DOK6: variants seen among roughly 807,000 people sequenced by gnomAD.
DOK6 encodes docking protein 6.
Under a neutral mutation model 44.0 loss-of-function variants are expected in DOK6, and 22 were observed. The ratio of observed to expected loss-of-function variants is 0.50; its 90% CI spans 0.36 to 0.71. The LOEUF is 0.71. DOK6 is among the 30% of genes least tolerant of loss of function. DOK6 has a pLI of 0.00. For synonymous variants in DOK6, 166 were observed against 145.5 expected, an observed-to-expected ratio of 1.14 and a Z score of -1.01; for missense variants, 340 against 416.4, an observed-to-expected ratio of 0.82 and a Z score of 1.60.
rs184252280 is a variant in DOK6 at position 69,605,826 on chromosome 18, C to G, written c.289+6328C>G. ...ATGCTTTCTCCATAGACTGGGAAGA[C>G]GGAAAGCTTTCCTGCTCTCCTCTGT... On this transcript the variant is annotated intron_variant, in intron 3 of 7. Coordinates refer to ENST00000382713, the MANE Select transcript of DOK6 (RefSeq NM_152721.6). Among the ~76,000 whole-genome samples, 200 of 152,198 alleles carry G rather than the reference C, an allele frequency of 1.3e-3. 2 individuals carry two copies. The highest frequency in any genetic ancestry group is 4.4e-3 in the African/African-American group (181 of 41,528).
At chr18:69,576,425 T>G (rs931926813) in intron 2 of DOK6, among the ~76,000 whole-genome samples, 17 of 151,920 alleles carry the variant, frequency 1.1e-4, no homozygotes, top group Admixed American at 1.0e-3. Context: ...ATTAAAATAA[T>G]CAAATGAATG....
chr18:69,519,156 T>C (rs1981619731), intron 1 of DOK6, among the ~76,000 whole-genome samples: 1 of 152,058 alleles, frequency 6.6e-6, no homozygotes, highest in Non-Finnish European at 1.5e-5. Context: ...TGCACAGATT[T>C]TGTATTGAGC....
intron 5 of DOK6, among the ~76,000 whole-genome samples, chr18:69,720,104 G>A (rs572709325): frequency 3.7e-4 from 56 of 152,178 alleles, no homozygotes; most frequent in Middle Eastern, 3.4e-3. Flanking sequence ...CATGAGAATC[G>A]CTTGAACCTG....
At chr18:69,619,016 A>G (rs918241720) in intron 3 of DOK6, among the ~76,000 whole-genome samples, 1 of 152,220 alleles carries the variant, frequency 6.6e-6, no homozygotes, top group East Asian at 1.9e-4. Context: ...CCTAAGTAAA[A>G]TATAACAAAC....
At chr18:69,593,903 G>T (rs527441017) in intron 2 of DOK6, among the ~76,000 whole-genome samples, 7 of 152,142 alleles carry the variant, frequency 4.6e-5, no homozygotes, top group African/African-American at 1.7e-4. Context: ...AAATTCTTAA[G>T]CCACACATAA....
At chr18:69,773,048 A>G (rs908356013) in intron 7 of DOK6, among the ~76,000 whole-genome samples, 13 of 152,050 alleles carry the variant, frequency 8.5e-5, no homozygotes, top group African/African-American at 3.1e-4. Context: ...TTGAACAAAC[A>G]TTTCTCCAAA....
intron 7 of DOK6, among the ~76,000 whole-genome samples, chr18:69,787,221 A>C (rs553118611): frequency 1.1e-4 from 16 of 152,336 alleles, no homozygotes; most frequent in Non-Finnish European, 2.2e-4. Flanking sequence ...GTCTCAAAAA[A>C]CAAGACAAAA....
intron 2 of DOK6, among the ~76,000 whole-genome samples, chr18:69,580,558 CATA>C (rs1371057539): frequency 6.6e-6 from 1 of 152,050 alleles, no homozygotes; most frequent in African/African-American, 2.4e-5. Context: ...TCAATTGACA[CATA>C]ATAATTGTAC....
At chr18:69,595,858 A>C (rs376473523) in intron 2 of DOK6, among the ~76,000 whole-genome samples, 9 of 152,132 alleles carry the variant, frequency 5.9e-5, no homozygotes, top group Admixed American at 5.9e-4. Context: ...CCTCATATAT[A>C]CTATTCATTC....
intron 7 of DOK6, among the ~76,000 whole-genome samples, chr18:69,804,099 A>G (rs941246844): frequency 1.3e-5 from 2 of 152,162 alleles, no homozygotes; most frequent in Non-Finnish European, 2.9e-5. Flanking sequence ...TTTTGAGGTT[A>G]ATGTCTGGGT....
intron 7 of DOK6, among the ~76,000 whole-genome samples, chr18:69,787,965 C>A (rs1014921084): frequency 1.3e-5 from 2 of 152,166 alleles, no homozygotes; most frequent in Non-Finnish European, 2.9e-5. Context: ...CCATACCCAA[C>A]AGGTGCTACC....
chr18:69,435,475 T>C (rs1462873209), intron 1 of DOK6, among the ~76,000 whole-genome samples: 1 of 152,176 alleles, frequency 6.6e-6, no homozygotes, highest in Non-Finnish European at 1.5e-5. Context: ...AAAATAGAGA[T>C]GAATGCTGTG....
intron 6 of DOK6, among the ~76,000 whole-genome samples, chr18:69,746,809 G>T (rs1416625770): frequency 6.6e-6 from 1 of 152,170 alleles, no homozygotes. Flanking sequence ...GCCAATTGGT[G>T]TTCTTCTTGA....
chr18:69,814,890 T>C (rs1981351268), intron 7 of DOK6, among the ~76,000 whole-genome samples: 2 of 151,914 alleles, frequency 1.3e-5, no homozygotes, highest in South Asian at 4.2e-4. Flanking sequence ...AGCCAAACCA[T>C]ATCAGGTGTC....
intron 7 of DOK6, among the ~76,000 whole-genome samples, chr18:69,836,409 C>T (rs1486171210): frequency 2.0e-5 from 3 of 151,922 alleles, no homozygotes; most frequent in African/African-American, 7.3e-5. Context: ...TGTATACATA[C>T]CTTAGTGAGA....
At chr18:69,473,408 G>T (rs530929041) in intron 1 of DOK6, among the ~76,000 whole-genome samples, 100 of 152,338 alleles carry the variant, frequency 6.6e-4, no homozygotes, top group African/African-American at 2.4e-3. Context: ...CAGTTTATAT[G>T]ATCACAATGG....
intron 5 of DOK6, among the ~76,000 whole-genome samples, chr18:69,700,079 G>A (rs12607010): frequency 0.42 from 63,276 of 151,442 alleles, 14,116 homozygotes; most frequent in East Asian, 0.69. Context: ...AACAGCATGG[G>A]AGGAACTGCC....
chr18:69,439,064 C>CA (rs1262620194), intron 1 of DOK6, among the ~76,000 whole-genome samples: 3 of 54,698 alleles, frequency 5.5e-5, no homozygotes, highest in Admixed American at 2.1e-4. Flanking sequence ...GACCTGGTCT[C>CA]AAAAAACAAA....
At chr18:69,601,867 A>C (rs1983881687) in intron 3 of DOK6, among the ~76,000 whole-genome samples, 1 of 152,200 alleles carries the variant, frequency 6.6e-6, no homozygotes, top group Admixed American at 6.5e-5. Flanking sequence ...GAAGTACCAC[A>C]CGAATGCTTC....
Sources: gnomAD v4.1 joint callset for allele counts (sites outside exome capture counted in the v4.1 genomes callset) on GRCh38, gnomAD v4.1.1 for gene constraint, MANE v1.5 for transcripts, NCBI Gene and HGNC (gene_info 2026-07-23, HGNC 2026-07-21) for gene names.